GRK6: variants seen among roughly 807,000 people sequenced by gnomAD.
The protein encoded by GRK6 is G protein-coupled receptor kinase 6.
GRK6 carries 37 observed loss-of-function variants against 80.8 expected under a neutral mutation model. The observed-to-expected ratio is 0.46, with a 90% CI of 0.35 to 0.60. The LOEUF is 0.60. Ranked by LOEUF, GRK6 falls within the 20% of genes least tolerant of loss-of-function variation. The pLI is 0.00. For synonymous variants in GRK6, 295 were observed against 320.9 expected (o/e 0.92, Z 0.86); for missense variants, 560 against 784.6 (o/e 0.71, Z 3.42).
At chr5:177,441,123 C>T (rs1297849701) in intron 15 of GRK6, 70 bp downstream of exon 15, 21 of 1,580,374 alleles carry the variant, frequency 1.3e-5, no homozygotes, top group East Asian at 2.3e-5. Flanking sequence ...GAGGCAGAGC[C>T]GGTGCCCGCA....
chr5:177,434,097 G>C lies in GRK6; in HGVS notation c.922G>C (p.Val308Leu), dbSNP rs888876754. Residue 308 changes from valine to leucine, a missense_variant, in exon 9 of 16, where the codon GTG becomes CTG. Transcript: ENST00000355472. ...GLEDLHRERIVYRDLKPENIL... is the reference protein window; with the variant it reads ...GLEDLHRERILYRDLKPENIL... The stretch of plus-strand genomic sequence containing the variant: ...GGAGGACCTGCACCGGGAGCGCATC[G>C]TGTACAGGTGGGGAGGGCTCGGCCA... The C allele has an allele frequency of 1.3e-6, 2 of 1,577,998 alleles. No individual in the cohort carries two copies. The highest frequency in any genetic ancestry group is 1.7e-6 in the Non-Finnish European group (2 of 1,162,352).
chr5:177,428,580 G>C lies in GRK6; in HGVS notation c.52+1683G>C, dbSNP rs1763764019. Among the ~76,000 whole-genome samples, 1 of 152,190 alleles carries C rather than the reference G, an allele frequency of 6.6e-6. No homozygotes were observed. The highest frequency in any genetic ancestry group is 1.5e-5 in the Non-Finnish European group (1 of 68,026). On this transcript the variant is annotated intron_variant, in intron 1 of 15. Coordinates refer to ENST00000355472, the MANE Select transcript of GRK6 (RefSeq NM_001004106.3). This position sits in a 1 kb window ranked among gnomAD's most constrained non-coding sequence, Gnocchi z 4.1. ...CTACAGGTGCATGCCACCACACCCAGCTAATTTTTGTATTTATAGCACAGA... is the reference window on the plus strand; with the variant it reads ...CTACAGGTGCATGCCACCACACCCACCTAATTTTTGTATTTATAGCACAGA...
At position 177,440,909 on chromosome 5, in the gene GRK6, T is replaced by C; in HGVS notation, c.1543-10T>C. ...GGGGACAGCTGTCACAGCCGCCTGC[T>C]CCTCAGCAGATGGTGGAGACCGAGT... On this transcript the variant is annotated splice_polypyrimidine_tract_variant and intron_variant, in intron 14 of 15. Transcript: ENST00000355472. 6.2e-7 allele frequency: 1 copy of C among 1,613,914 alleles called. No individual in the cohort carries two copies. The highest frequency in any genetic ancestry group is 8.5e-7 in the Non-Finnish European group (1 of 1,179,962).
chr5:177,426,940 G>GCACTCGCGCTCCA, intron 1 of GRK6, 43 bp downstream of exon 1: 1 of 1,272,788 alleles, frequency 7.9e-7, no homozygotes, highest in Non-Finnish European at 1.0e-6. Flanking sequence ...TGCGTGGAGC[G>GCACTCGCGCTCCA]CGAGTGCGCT....
chr5:177,441,099 G>C, intron 15 of GRK6, 46 bp downstream of exon 15: 1 of 1,603,190 alleles, frequency 6.2e-7, no homozygotes, highest in Non-Finnish European at 8.5e-7. Context: ...CTGGCTCCAG[G>C]GGACGGTGGG....
chr5:177,440,117 T>C (rs1312473760), intron 13 of GRK6: 1 of 153,484 alleles, frequency 6.5e-6, no homozygotes, highest in Non-Finnish European at 1.4e-5. Context: ...AGCTGTACCA[T>C]TTTACATGAC....
At chr5:177,439,263 G>A (rs563646607) in intron 13 of GRK6, among the ~76,000 whole-genome samples, 1 of 152,252 alleles carries the variant, frequency 6.6e-6, no homozygotes, top group East Asian at 1.9e-4. Flanking sequence ...ATTCGGCTGG[G>A]CGTGGTGGCT....
At chr5:177,425,710 T>C (rs1223737609), upstream of GRK6, among the ~76,000 whole-genome samples, 1 of 152,238 alleles carries the variant, frequency 6.6e-6, no homozygotes, top group Non-Finnish European at 1.5e-5. Context: ...GCATAGGAAC[T>C]AGAGAAGCCT....
chr5:177,427,892 A>G (rs1763734711), intron 1 of GRK6, among the ~76,000 whole-genome samples: 1 of 152,168 alleles, frequency 6.6e-6, no homozygotes, highest in Admixed American at 6.5e-5. Flanking sequence ...CATATTTTAC[A>G]TGTGGGAAGC....
At chr5:177,432,834 G>A (rs1420798241) in intron 5 of GRK6, 28 bp downstream of exon 5, 2 of 1,556,642 alleles carry the variant, frequency 1.3e-6, no homozygotes, top group African/African-American at 2.7e-5. Flanking sequence ...CACAAGCCTG[G>A]AATTATGCCC....
At chr5:177,438,920 G>A (rs889820349) in intron 13 of GRK6, 1 of 152,164 alleles carries the variant, frequency 6.6e-6, no homozygotes, top group African/African-American at 2.4e-5. Flanking sequence ...AACCTTTTGG[G>A]GAACTGCCAG....
chr5:177,430,567 G>C (rs1763845679), intron 1 of GRK6: 2 of 386,586 alleles, frequency 5.2e-6, no homozygotes, highest in East Asian at 5.3e-5. Context: ...TTCACCGGGG[G>C]AACTCCTACC....
At position 177,431,967 on chromosome 5, in the gene GRK6, AC is replaced by A. The variant is rs546662193; in HGVS notation, c.149-25del. 747 of 1,600,270 alleles carry A rather than the reference AC, an allele frequency of 4.7e-4. 3 individuals are homozygous for A. In the African/African-American group the frequency reaches 7.6e-3, roughly 16 times the overall value. On this transcript the variant is annotated intron_variant, in intron 2 of 15. Transcript: ENST00000355472. ...CCACCCATGTGCTCTCGGGCTGTGG[AC>A]CCAGCAGCTTCCATCACTGCCAACA...
At chr5:177,433,874 C>T (rs994540335) in intron 8 of GRK6, 40 bp from the exon 9 acceptor site, 25 of 1,524,464 alleles carry the variant, frequency 1.6e-5, no homozygotes, top group African/African-American at 1.2e-4. Flanking sequence ...CCAAGCGCCC[C>T]GCAGCTCCTG....
Position 177,433,250 on chromosome 5 carries a change from T to C in GRK6, c.533+11T>C, listed in dbSNP as rs779531884. 1.9e-6 allele frequency: 3 copies of C among 1,614,026 alleles called. No individual in the cohort carries two copies. The Admixed American group carries it at 5.0e-5, about 27-fold the overall frequency. ...GAAGTGGCTGGAAAGGTGAGCTCCCTGAAGGCTGGGCCGGGACAGGCCAGG... is the reference window on the plus strand; with the variant it reads ...GAAGTGGCTGGAAAGGTGAGCTCCCCGAAGGCTGGGCCGGGACAGGCCAGG... On this transcript the variant is annotated intron_variant, in intron 6 of 15. Coordinates refer to ENST00000355472, the MANE Select transcript of GRK6 (RefSeq NM_001004106.3).
Position 177,430,860 on chromosome 5 carries a change from T to C in GRK6, c.53-12T>C. 6.2e-7 allele frequency: 1 copy of C among 1,613,268 alleles called. No homozygotes were observed. ...GTGGGACTCGAGACCCAGTGTCCTA[T>C]TGCTCCCACAGGTGGCGGTGGAAAT... On this transcript the variant is annotated splice_polypyrimidine_tract_variant and intron_variant, in intron 1 of 15. Transcript: ENST00000355472.
chr5:177,437,876 A>C (rs1185183243), intron 13 of GRK6, among the ~76,000 whole-genome samples: 1 of 152,248 alleles, frequency 6.6e-6, no homozygotes, highest in Non-Finnish European at 1.5e-5. Flanking sequence ...AAGGATGGGC[A>C]GGGCAGGCCA....
chr5:177,436,605 A>T, intron 13 of GRK6, 75 bp downstream of exon 13: 1 of 1,375,042 alleles, frequency 7.3e-7, no homozygotes, highest in Non-Finnish European at 9.9e-7. Flanking sequence ...AGTATCAGCC[A>T]GGATGCTTCC....
At position 177,429,916 on chromosome 5, in the gene GRK6, C is replaced by T. The variant is rs1763816994; in HGVS notation, c.53-956C>T. ...CCACAGTGTGAATCAGAGATTCAGA[C>T]CCAGCTCTGGGAGGCTCAGGCCCCT... On this transcript the variant is annotated intron_variant, in intron 1 of 15. Coordinates refer to ENST00000355472, the MANE Select transcript of GRK6 (RefSeq NM_001004106.3). This position sits in a 1 kb window ranked among gnomAD's most constrained non-coding sequence, Gnocchi z 4.3. 6.6e-6 allele frequency among the ~76,000 whole-genome samples: 1 copy of T among 152,200 alleles called. No individual in the cohort carries two copies. Among genetic ancestry groups the T allele is most frequent in the African/African-American group, 2.4e-5 (1 of 41,454 alleles).
Sources: gnomAD v4.1 joint callset for allele counts (sites outside exome capture counted in the v4.1 genomes callset) on GRCh38, gnomAD v4.1.1 for gene constraint, Gnocchi (gnomAD v3.1) non-coding constraint, MANE v1.5 for transcripts, NCBI Gene and HGNC (gene_info 2026-07-23, HGNC 2026-07-21) for gene names.